The following DNAH11 variants were observed in gnomAD, a reference collection of about 807,000 sequenced individuals.
The protein encoded by DNAH11 is axonemal beta dynein heavy chain 11.
DNAH11 carries 442 observed loss-of-function variants against 526.0 expected under a neutral mutation model. The ratio of observed to expected loss-of-function variants is 0.84; its 90% confidence interval spans 0.78 to 0.91. The LOEUF (loss-of-function observed/expected upper bound fraction) is 0.91. Ranked by LOEUF, DNAH11 falls within the 40% of genes least tolerant of loss-of-function variation. The pLI is 0.00. For missense variants in DNAH11, 6,989 were observed against 5,448.7 expected (o/e 1.28, Z -8.90); for synonymous variants, 2,461 against 1,935.9 (o/e 1.27, Z -7.12).
intron 30 of DNAH11, among the ~76,000 whole-genome samples, chr7:21,679,351 G>T (rs1300446493): frequency 6.6e-6 from 1 of 152,162 alleles, no homozygotes; most frequent in African/African-American, 2.4e-5. Context: ...ATAACGTAGT[G>T]TATACTTGAA....
chr7:21,854,499 C>A (rs1231723047), intron 68 of DNAH11, 44 bp downstream of exon 68: 2 of 1,569,580 alleles, frequency 1.3e-6, no homozygotes, highest in East Asian at 2.3e-5. Context: ...TTTAGGAGTT[C>A]AATTTGTTTC....
chr7:21,648,435 T>C (rs1423719818), intron 28 of DNAH11, among the ~76,000 whole-genome samples: 1 of 152,196 alleles, frequency 6.6e-6, no homozygotes, highest in African/African-American at 2.4e-5. Context: ...ACTTGCCCTT[T>C]TGCTGCTCTT....
At position 21,854,610 on chromosome 7, in the gene DNAH11, C is replaced by T. The variant is rs750965067; in HGVS notation, c.11202+155C>T. On this transcript the variant is annotated intron_variant, in intron 68 of 81. Transcript: ENST00000409508. ...TGTAGCCCAGGCTGGAGTGCAGTGG[C>T]GTGATCATTGCAACCTCTGCCTCCC... is the stretch of plus-strand genomic sequence containing the variant. Among the ~76,000 whole-genome samples, 65 of 152,026 alleles carry T rather than the reference C, an allele frequency of 4.3e-4. 1 individual carries two copies. The highest frequency in any genetic ancestry group is 2.1e-4 in the South Asian group (1 of 4,820).
At chr7:21,702,842 G>T in intron 37 of DNAH11, 40 bp downstream of exon 37, 1 of 1,553,290 alleles carries the variant, frequency 6.4e-7, no homozygotes, top group Non-Finnish European at 8.8e-7. Flanking sequence ...GTGAGTAGCT[G>T]GCCTGCTTCA....
At chr7:21,760,032 A>T (rs1786827419) in intron 54 of DNAH11, among the ~76,000 whole-genome samples, 1 of 151,640 alleles carries the variant, frequency 6.6e-6, no homozygotes, top group Admixed American at 6.6e-5. Context: ...AGGCGTTTTT[A>T]ACTTTATTTT....
At position 21,784,528 on chromosome 7, in the gene DNAH11, T is replaced by C; in HGVS notation, c.9585T>C (p.Asn3195=). 6.2e-7 allele frequency: 1 copy of C among 1,609,232 alleles called. No individual in the cohort carries two copies. Among genetic ancestry groups the C allele is most frequent in the Non-Finnish European group, 8.5e-7 (1 of 1,177,454 alleles). Residue 3195 remains asparagine (N), a synonymous_variant, in exon 58 of 82, where the codon AAT becomes AAC. Transcript: ENST00000409508. The stretch of plus-strand genomic sequence containing the variant: ...TGGTGGCTGCTACAGCTGCACTCAA[T>C]ACACTCAACAGGGTAAAGATAATTT... ...PALVAATAAL[N]TLNRVNLSEL...
At chr7:21,699,766 G>A (rs1282616655) in intron 36 of DNAH11, among the ~76,000 whole-genome samples, 3 of 151,508 alleles carry the variant, frequency 2.0e-5, no homozygotes, top group Non-Finnish European at 2.9e-5. Flanking sequence ...TAGAGCCCAG[G>A]GAATGTGGAG....
intron 28 of DNAH11, among the ~76,000 whole-genome samples, chr7:21,654,964 G>T (rs757317120): frequency 6.6e-6 from 1 of 152,148 alleles, no homozygotes; most frequent in East Asian, 1.9e-4. Context: ...TGTTCATTCT[G>T]GGGTTGCGGT....
intron 4 of DNAH11, among the ~76,000 whole-genome samples, chr7:21,560,496 C>G (rs1175429866): frequency 6.6e-6 from 1 of 152,100 alleles, no homozygotes; most frequent in Non-Finnish European, 1.5e-5. Flanking sequence ...AGTCTGTGGC[C>G]AAAGGCCCAA....
Position 21,880,708 on chromosome 7 carries a change from C to T in DNAH11, c.12202C>T (p.Leu4068Phe), listed in dbSNP as rs1210047000. Residue 4068 changes from leucine to phenylalanine, a missense_variant, in exon 75 of 82, where the codon CTT (leucine) becomes TTT (phenylalanine). Leu to Phe is a conservative substitution (Grantham distance 22). Transcript: ENST00000409508. ...AALYNFDQDT[L>F]EICSKEQEFK... is the part of the protein sequence containing the mutation. ...TTCTTCTCTTTTTTCCCAGGATACA[C>T]TTGAAATATGCTCCAAGGAGCAGGA... 8.7e-6 allele frequency: 14 copies of T among 1,613,800 alleles called. No homozygotes were observed. The highest frequency in any genetic ancestry group is 1.2e-5 in the Non-Finnish European group (14 of 1,179,858).
At chr7:21,668,840 G>A (rs1345952131) in intron 30 of DNAH11, among the ~76,000 whole-genome samples, 1 of 151,994 alleles carries the variant, frequency 6.6e-6, no homozygotes, top group Non-Finnish European at 1.5e-5. Context: ...ATTTCTCCTG[G>A]GTAGAAGCCT....
intron 63 of DNAH11, among the ~76,000 whole-genome samples, chr7:21,812,704 C>G (rs940717392): frequency 2.0e-5 from 3 of 152,056 alleles, no homozygotes; most frequent in African/African-American, 7.2e-5. Context: ...AAAATGAACT[C>G]TTTCCACTTC....
intron 55 of DNAH11, among the ~76,000 whole-genome samples, chr7:21,770,965 C>T (rs1787412154): frequency 1.3e-5 from 2 of 152,152 alleles, no homozygotes; most frequent in Non-Finnish European, 2.9e-5. Flanking sequence ...CACCATGCAA[C>T]CACAAATATC....
intron 25 of DNAH11, among the ~76,000 whole-genome samples, chr7:21,631,812 G>A (rs1055805500): frequency 4.6e-5 from 7 of 152,190 alleles, no homozygotes; most frequent in African/African-American, 1.7e-4. Context: ...AGCTGTCGGT[G>A]GATCTACCTT....
In DNAH11 at chr7:21,687,404, G is replaced by A; in HGVS notation, c.5801G>A (p.Gly1934Glu). 6.2e-7 allele frequency: 1 copy of A among 1,613,616 alleles called. No homozygotes were observed. The highest frequency in any genetic ancestry group is 8.5e-7 in the Non-Finnish European group (1 of 1,179,764). Residue 1934 changes from glycine to glutamate, a missense_variant, in exon 34 of 82, where the codon GGA becomes GAA. Coordinates refer to ENST00000409508, the MANE Select transcript of DNAH11 (RefSeq NM_001277115.2). ...DYKSIGNIYK[G>E]LVQTGAWGCF... Reference sequence around the variant, plus strand: ...TAGTCCATAGGCAATATCTATAAGGGATTGGTGCAGACAGGAGCTTGGGGC... The same window carrying A: ...TAGTCCATAGGCAATATCTATAAGGAATTGGTGCAGACAGGAGCTTGGGGC...
chr7:21,898,472 C>A (rs1784611717), intron 79 of DNAH11, among the ~76,000 whole-genome samples: 1 of 152,192 alleles, frequency 6.6e-6, no homozygotes, highest in South Asian at 2.1e-4. Flanking sequence ...ACTTCCTTTG[C>A]ATATCTGAAG....
intron 55 of DNAH11, among the ~76,000 whole-genome samples, chr7:21,766,565 C>T (rs12536891): frequency 0.19 from 28,138 of 152,082 alleles, 3,089 homozygotes; most frequent in Admixed American, 0.26. Flanking sequence ...GCATAACTGC[C>T]ACCTTTCCAA....
chr7:21,651,928 C>T (rs1420729679), intron 28 of DNAH11, among the ~76,000 whole-genome samples: 3 of 152,242 alleles, frequency 2.0e-5, no homozygotes, highest in Non-Finnish European at 2.9e-5. Flanking sequence ...CACTGTGCTG[C>T]TTTTACTCAC....
intron 48 of DNAH11, among the ~76,000 whole-genome samples, chr7:21,740,556 T>C (rs80178049): frequency 0.06 from 9,203 of 152,294 alleles, 385 homozygotes; most frequent in East Asian, 0.2. Flanking sequence ...GCAGAATTTC[T>C]TTCCTATGTA....
Sources: allele counts gnomAD v4.1 joint callset (sites outside exome capture counted in the v4.1 genomes callset), GRCh38; gene constraint gnomAD v4.1.1; transcripts MANE v1.5; gene names NCBI Gene and HGNC (gene_info 2026-07-23, HGNC 2026-07-21).